Variants in TESC observed in about 807,000 individuals in gnomAD.
TESC encodes the protein tescalcin, also known as calcineurin B homologous protein 3.
Under a neutral mutation model 31.0 loss-of-function variants are expected in TESC, and 19 were observed. The ratio of observed to expected loss-of-function variants is 0.61; its 90% CI spans 0.43 to 0.90. The LOEUF is 0.90. Ranked by LOEUF, TESC falls within the 40% of genes least tolerant of loss-of-function variation. TESC has a pLI of 0.00. For missense variants in TESC, 248 were observed against 303.8 expected (o/e 0.82, Z 1.36); for synonymous variants, 109 against 114.8 (o/e 0.95, Z 0.32).
At chr12:117,045,640 C>A (rs1040119008) in intron 6 of TESC, among the ~76,000 whole-genome samples, 1 of 152,204 alleles carries the variant, frequency 6.6e-6, no homozygotes, top group Non-Finnish European at 1.5e-5. Context: ...CAGGCCCAGG[C>A]CGGTGGCCTC....
At chr12:117,079,105 C>T (rs980842287) in intron 1 of TESC, among the ~76,000 whole-genome samples, 4 of 152,184 alleles carry the variant, frequency 2.6e-5, no homozygotes, top group Non-Finnish European at 2.9e-5. Context: ...ACAATTTGAA[C>T]TTGGTCTGTC....
At chr12:117,043,796 C>G (rs1469783722) in intron 6 of TESC, among the ~76,000 whole-genome samples, 4 of 152,174 alleles carry the variant, frequency 2.6e-5, no homozygotes, top group Admixed American at 2.6e-4. Context: ...ATCTCACAAC[C>G]GGCCCTGAGT....
chr12:117,076,343 TG>T (rs958866834), intron 1 of TESC, among the ~76,000 whole-genome samples: 29 of 152,274 alleles, frequency 1.9e-4, no homozygotes, highest in African/African-American at 5.8e-4. Context: ...AATCTGGTGA[TG>T]GGGTAAGACC....
At chr12:117,053,747 C>T (rs1417728520) in intron 3 of TESC, among the ~76,000 whole-genome samples, 6 of 152,110 alleles carry the variant, frequency 3.9e-5, no homozygotes, top group African/African-American at 1.4e-4. Context: ...TGCGCGCGCA[C>T]GCGCACACAC....
At chr12:117,096,152 C>G (rs1478528777) in intron 1 of TESC, among the ~76,000 whole-genome samples, 2 of 152,218 alleles carry the variant, frequency 1.3e-5, no homozygotes, top group Non-Finnish European at 2.9e-5. Context: ...GCCTGACCTT[C>G]TGGTCCTTTC....
At position 117,099,216 on chromosome 12, in the gene TESC, G is replaced by C; in HGVS notation, c.58+9C>G. On this transcript the variant is annotated intron_variant, in intron 1 of 7. Coordinates refer to ENST00000335209, the MANE Select transcript of TESC (RefSeq NM_017899.4). ...CCCGGTCCCCGCGCCGCCCCCCGCG[G>C]GTACTCACAGCCGGTCTTGCCCTCG... is the stretch of plus-strand genomic sequence containing the variant. 1 of 1,482,548 alleles carries C rather than the reference G, an allele frequency of 6.7e-7. No homozygotes were observed. Among genetic ancestry groups the C allele is most frequent in the Non-Finnish European group, 8.9e-7 (1 of 1,124,160 alleles). The allele number at this position is 1,482,548 out of a possible 1,614,324, so 91.8% of individuals were successfully genotyped here.
chr12:117,052,616 C>T (rs978853979), intron 3 of TESC, among the ~76,000 whole-genome samples: 1 of 152,160 alleles, frequency 6.6e-6, no homozygotes, highest in Admixed American at 6.5e-5. Context: ...AGGCTCTCAC[C>T]ACCCCATACC....
intron 1 of TESC, among the ~76,000 whole-genome samples, chr12:117,090,304 C>A (rs758686640): frequency 2.6e-5 from 4 of 152,154 alleles, no homozygotes; most frequent in Admixed American, 2.6e-4. Context: ...ACATTAAGGT[C>A]CCCAATTATG....
chr12:117,044,742 C>T (rs1954532088), intron 6 of TESC, among the ~76,000 whole-genome samples: 1 of 152,106 alleles, frequency 6.6e-6, no homozygotes, highest in South Asian at 2.1e-4. Context: ...GCTAAAAATA[C>T]AAAAATTAGC....
chr12:117,054,870 G>T (rs1170357592), intron 3 of TESC, among the ~76,000 whole-genome samples: 3 of 152,118 alleles, frequency 2.0e-5, no homozygotes, highest in Non-Finnish European at 4.4e-5. Context: ...GGGCAAACAG[G>T]CTGGCGGGCC....
intron 2 of TESC, among the ~76,000 whole-genome samples, chr12:117,057,721 A>G (rs1017030510): frequency 4.6e-5 from 7 of 152,132 alleles, no homozygotes; most frequent in African/African-American, 1.7e-4. Flanking sequence ...ACATCTGTCA[A>G]CTCATAATTG....
At chr12:117,048,811 C>T (rs1323740373) in intron 4 of TESC, 3 of 777,204 alleles carry the variant, frequency 3.9e-6, no homozygotes, top group Non-Finnish European at 4.4e-6. Flanking sequence ...AAGCCACAAG[C>T]TGCTGAGGAA....
intron 3 of TESC, among the ~76,000 whole-genome samples, chr12:117,052,437 A>C (rs1470082433): frequency 6.6e-6 from 1 of 152,216 alleles, no homozygotes; most frequent in African/African-American, 2.4e-5. Flanking sequence ...ACAGGCTCCC[A>C]GCTGTAGCCC....
chr12:117,060,075 G>C (rs994126294), intron 2 of TESC, among the ~76,000 whole-genome samples: 1 of 152,174 alleles, frequency 6.6e-6, no homozygotes, highest in African/African-American at 2.4e-5. Flanking sequence ...GATGGCTAAC[G>C]GGTGCAGAGC....
chr12:117,069,833 T>C (rs1954940051), intron 2 of TESC, among the ~76,000 whole-genome samples: 1 of 152,240 alleles, frequency 6.6e-6, no homozygotes, highest in African/African-American at 2.4e-5. Context: ...AACTTACAAA[T>C]CTTATTCATC....
intron 2 of TESC, among the ~76,000 whole-genome samples, chr12:117,061,567 T>C (rs1464762013): frequency 1.3e-5 from 2 of 151,912 alleles, no homozygotes; most frequent in Non-Finnish European, 1.5e-5. Context: ...CTGCTAGGAA[T>C]TGAGCTGGGG....
intron 1 of TESC, among the ~76,000 whole-genome samples, chr12:117,091,080 C>T (rs1311464730): frequency 1.3e-5 from 2 of 152,212 alleles, no homozygotes; most frequent in South Asian, 2.1e-4. Context: ...ACTGCTGGGA[C>T]GACAAAGAGC....
chr12:117,090,748 A>G (rs530421773), intron 1 of TESC, among the ~76,000 whole-genome samples: 55 of 152,348 alleles, frequency 3.6e-4, no homozygotes, highest in African/African-American at 1.3e-3. Flanking sequence ...GGCAAGGGCA[A>G]GAACCCCCTT....
At chr12:117,043,234 T>C (rs868468339) in intron 6 of TESC, among the ~76,000 whole-genome samples, 2 of 151,922 alleles carry the variant, frequency 1.3e-5, no homozygotes, top group South Asian at 4.2e-4. Context: ...AAGACATGCA[T>C]GTATACATTG....
Sources: allele counts gnomAD v4.1 joint callset (sites outside exome capture counted in the v4.1 genomes callset), GRCh38; gene constraint gnomAD v4.1.1; transcripts MANE v1.5; gene names NCBI Gene and HGNC (gene_info 2026-07-23, HGNC 2026-07-21).